Variants in NETO1 observed in about 807,000 individuals in gnomAD.
NETO1 encodes neuropilin and tolloid like 1.
In NETO1, 26 loss-of-function variants were observed where a neutral mutation model predicts 61.3. The ratio of observed to expected loss-of-function variants is 0.42; its 90% confidence interval spans 0.31 to 0.59. The LOEUF (loss-of-function observed/expected upper bound fraction) is 0.59. Ranked by LOEUF, NETO1 falls within the 20% of genes least tolerant of loss-of-function variation. The pLI is 0.12. For missense variants in NETO1, 531 were observed against 662.8 expected (o/e 0.80, Z 2.18); for synonymous variants, 225 against 225.8 (o/e 1.00, Z 0.03).
intron 6 of NETO1, among the ~76,000 whole-genome samples, chr18:72,793,727 C>T (rs1429702981): frequency 7.2e-5 from 11 of 152,064 alleles, no homozygotes; most frequent in Non-Finnish European, 1.6e-4. Flanking sequence ...ATTTTGTAGG[C>T]CCCAGAAAAA....
intron 4 of NETO1, among the ~76,000 whole-genome samples, chr18:72,797,537 T>C (rs866476415): frequency 1.3e-5 from 2 of 151,956 alleles, no homozygotes; most frequent in Non-Finnish European, 2.9e-5. Context: ...GATGAGGACA[T>C]GAATTATTAG....
Position 72,803,823 on chromosome 18 carries a change from A to AG in NETO1, c.470-9420_470-9419insC, listed in dbSNP as rs528873925. ...GCAACAAGAGCGGAACTCCGTACCA[A>AG]AAAAAAAAAAAAAGATACTCTTTCC... On this transcript the variant is annotated intron_variant, in intron 4 of 10. Transcript: ENST00000327305. Among the ~76,000 whole-genome samples the AG allele has an allele frequency of 8.1e-4, 119 of 146,732 alleles. 1 individual carries two copies. The East Asian group carries it at 0.021, about 26-fold the overall frequency.
chr18:72,806,761 T>A (rs1306590895), intron 4 of NETO1, among the ~76,000 whole-genome samples: 2 of 152,162 alleles, frequency 1.3e-5, no homozygotes, highest in East Asian at 3.9e-4. Context: ...TGACTTCCAT[T>A]TCTTAGACCT....
At chr18:72,760,076 G>A (rs751752302) in intron 7 of NETO1, among the ~76,000 whole-genome samples, 1 of 152,252 alleles carries the variant, frequency 6.6e-6, no homozygotes, top group East Asian at 1.9e-4. Context: ...ATTTAGACAC[G>A]AGACCCTCCA....
chr18:72,804,215 A>G (rs906043531), intron 4 of NETO1, among the ~76,000 whole-genome samples: 2 of 152,196 alleles, frequency 1.3e-5, no homozygotes, highest in Non-Finnish European at 2.9e-5. Context: ...GAGTTCTTCA[A>G]TAGTTCTTAG....
At chr18:72,801,018 C>A (rs2072488302) in intron 4 of NETO1, among the ~76,000 whole-genome samples, 1 of 152,148 alleles carries the variant, frequency 6.6e-6, no homozygotes, top group African/African-American at 2.4e-5. Flanking sequence ...GTTTCCCAGC[C>A]TCCCTTGCAA....
chr18:72,834,388 T>C (rs1232576089), intron 4 of NETO1: 46 of 939,128 alleles, frequency 4.9e-5, no homozygotes, highest in Non-Finnish European at 5.7e-5. Context: ...AACCAGATAA[T>C]AGATTTAATG....
intron 3 of NETO1, among the ~76,000 whole-genome samples, chr18:72,863,240 C>T (rs760284502): frequency 3.3e-5 from 5 of 152,188 alleles, no homozygotes; most frequent in East Asian, 1.9e-4. Context: ...CCCTAGGATG[C>T]GCCACGAAGG....
chr18:72,794,008 T>C, intron 6 of NETO1, 109 bp downstream of exon 6: 1 of 1,385,904 alleles, frequency 7.2e-7, no homozygotes. Flanking sequence ...TAGCCTTTGA[T>C]GGCTGCACTC....
intron 4 of NETO1, among the ~76,000 whole-genome samples, chr18:72,804,835 C>T (rs2145157521): frequency 6.6e-6 from 1 of 152,234 alleles, no homozygotes; most frequent in African/African-American, 2.4e-5. Context: ...CAATAGTTTT[C>T]CCCAAATTTC....
At chr18:72,751,077 A>ACACACACACAC (rs60112090) in intron 8 of NETO1, among the ~76,000 whole-genome samples, 18 of 150,692 alleles carry the variant, frequency 1.2e-4, no homozygotes, top group Admixed American at 2.0e-4. Context: ...ACACACACAC[A>ACACACACACAC]ATCTATCTAT....
rs73471885 is a variant in NETO1, at chr18:72,824,137, A to C, written c.470-29733T>G. On this transcript the variant is annotated intron_variant, in intron 4 of 10. Coordinates refer to ENST00000327305, the MANE Select transcript of NETO1 (RefSeq NM_138966.5). ...TGTTTACTCATCCACAACTTCTAAT[A>C]GATTGGTTACACACTTTGAGAATAA... 6.4e-3 allele frequency among the ~76,000 whole-genome samples: 969 copies of C among 152,284 alleles called. 6 individuals carry two copies. The highest frequency in any genetic ancestry group is 0.022 in the African/African-American group (898 of 41,536).
At position 72,841,088 on chromosome 18, in the gene NETO1, T is replaced by C. The variant is rs75387002; in HGVS notation, c.469+17738A>G. On this transcript the variant is annotated intron_variant, in intron 4 of 10. Transcript: ENST00000327305. ...ACTCTTCTTCTAGCTGCTGTTTTGG[T>C]CTTCAGGGGAATGGAGAGGAGGAAG... Among the ~76,000 whole-genome samples, 1,505 of 152,328 alleles carry C rather than the reference T, an allele frequency of 9.9e-3. 17 individuals carry two copies. The highest frequency in any genetic ancestry group is 0.016 in the Non-Finnish European group (1,110 of 68,030).
In NETO1 at chr18:72,834,775, C is replaced by T. The variant is rs973282271; in HGVS notation, c.469+24051G>A. ...GTTAAATACATGTTAATTCCCAGTC[C>T]ATGGCGATAAGAAACTAAAGCAAAA... On this transcript the variant is annotated intron_variant, in intron 4 of 10. Coordinates refer to ENST00000327305, the MANE Select transcript of NETO1 (RefSeq NM_138966.5). 62 of 984,816 alleles carry T rather than the reference C, an allele frequency of 6.3e-5. No individual in the cohort carries two copies. In the African/African-American group the frequency reaches 1.0e-3, roughly 16 times the overall value. 61.0% of individuals were successfully genotyped at this position (984,816 alleles called of 1,614,324 possible). A position where few individuals can be genotyped will look rare whatever the true frequency, so the allele number is the denominator to read the frequency against.
intron 4 of NETO1, among the ~76,000 whole-genome samples, chr18:72,821,073 A>G (rs1008678566): frequency 6.6e-6 from 1 of 151,930 alleles, no homozygotes; most frequent in African/African-American, 2.4e-5. Flanking sequence ...ACTCCTGCGT[A>G]TCTCTTCTGC....
At chr18:72,752,953 T>G (rs2145091077) in intron 8 of NETO1, among the ~76,000 whole-genome samples, 1 of 151,746 alleles carries the variant, frequency 6.6e-6, no homozygotes, top group African/African-American at 2.4e-5. Context: ...ATGCGAATAG[T>G]GCAATATGAA....
intron 4 of NETO1, among the ~76,000 whole-genome samples, chr18:72,804,043 T>A (rs1211972604): frequency 6.6e-6 from 1 of 152,072 alleles, no homozygotes; most frequent in Non-Finnish European, 1.5e-5. Context: ...AATATCTTCA[T>A]ATTAATTTAT....
At chr18:72,825,386 A>T (rs1200564163) in intron 4 of NETO1, among the ~76,000 whole-genome samples, 1 of 152,066 alleles carries the variant, frequency 6.6e-6, no homozygotes, top group African/African-American at 2.4e-5. Flanking sequence ...ATAACCCTTC[A>T]CCTTTTCTAA....
intron 6 of NETO1, among the ~76,000 whole-genome samples, chr18:72,788,726 A>C (rs1031974002): frequency 6.6e-6 from 1 of 152,130 alleles, no homozygotes; most frequent in Admixed American, 6.6e-5. Context: ...AAAACATATA[A>C]ATAATTTCTA....
Sources: gnomAD v4.1 joint callset for allele counts (sites outside exome capture counted in the v4.1 genomes callset) on GRCh38, gnomAD v4.1.1 for gene constraint, MANE v1.5 for transcripts, NCBI Gene and HGNC (gene_info 2026-07-23, HGNC 2026-07-21) for gene names.